The following SESN3 variants were observed in gnomAD, a reference collection of about 807,000 sequenced individuals.
The protein encoded by SESN3 is sestrin 3.
Under a neutral mutation model 55.3 loss-of-function variants are expected in SESN3, and 21 were observed. That is an observed-to-expected ratio of 0.38 (90% CI 0.27 to 0.55). The LOEUF is 0.55. Ranked by LOEUF, SESN3 falls within the 20% of genes least tolerant of loss-of-function variation. The pLI is 0.76. For synonymous variants in SESN3, 181 were observed against 203.1 expected, an observed-to-expected ratio of 0.89 and a Z score of 0.93; for missense variants, 408 against 604.3, an observed-to-expected ratio of 0.68 and a Z score of 3.41.
At chr11:95,201,631 C>T (rs183157199) in intron 1 of SESN3, among the ~76,000 whole-genome samples, 1 of 152,062 alleles carries the variant, frequency 6.6e-6, no homozygotes, top group East Asian at 1.9e-4. Flanking sequence ...TGTATGACCC[C>T]AGAATTATAC....
intron 1 of SESN3, among the ~76,000 whole-genome samples, chr11:95,222,700 T>C (rs1860879354): frequency 6.6e-6 from 1 of 152,226 alleles, no homozygotes; most frequent in Non-Finnish European, 1.5e-5. Flanking sequence ...TTGAATATCA[T>C]GGCAGTCCAG....
rs143884275 is a variant in SESN3, at chr11:95,196,457, A to AT, written c.79-2936dup. ...GGATAGTACTATATCCAAAAGATTGATTTTTTTTTTTTTAAGATAAGACCA... is the reference window on the plus strand; with the variant it reads ...GGATAGTACTATATCCAAAAGATTGATTTTTTTTTTTTTTAAGATAAGACCA... On this transcript the variant is annotated intron_variant, in intron 1 of 9. Coordinates refer to ENST00000536441, the MANE Select transcript of SESN3 (RefSeq NM_144665.4). Among the ~76,000 whole-genome samples, 268 of 146,792 alleles carry AT rather than the reference A, an allele frequency of 1.8e-3. 3 individuals carry two copies. The highest frequency in any genetic ancestry group is 6.2e-3 in the South Asian group (29 of 4,664).
rs539215883 is a variant in SESN3 at position 95,209,931 on chromosome 11, C to T, written c.79-16409G>A. 2.5e-4 allele frequency among the ~76,000 whole-genome samples: 35 copies of T among 142,632 alleles called. 1 individual carries two copies. The highest frequency in any genetic ancestry group is 7.4e-4 in the African/African-American group (29 of 39,076). 93.6% of individuals were successfully genotyped at this position (142,632 alleles called of 152,430 possible). A position where few individuals can be genotyped will look rare whatever the true frequency, so the allele number is the denominator to read the frequency against. On this transcript the variant is annotated intron_variant, in intron 1 of 9. Transcript: ENST00000536441. ...ACTCTGGAGGCTGAGGCAGAAGAAT[C>T]GCTTGATTCCAGGAGGCGAAGGTTG...
intron 1 of SESN3, among the ~76,000 whole-genome samples, chr11:95,220,860 T>C (rs925483755): frequency 6.6e-6 from 1 of 152,234 alleles, no homozygotes; most frequent in Non-Finnish European, 1.5e-5. Flanking sequence ...AGCCCTAGTT[T>C]CTTTATCCAT....
At chr11:95,181,086 T>C (rs1860050613) in intron 6 of SESN3, among the ~76,000 whole-genome samples, 1 of 152,138 alleles carries the variant, frequency 6.6e-6, no homozygotes, top group Admixed American at 6.5e-5. Context: ...CTAAACTCTA[T>C]AAAACAGTCT....
At chr11:95,182,621 T>C (rs183305994) in intron 6 of SESN3, among the ~76,000 whole-genome samples, 1 of 152,286 alleles carries the variant, frequency 6.6e-6, no homozygotes, top group East Asian at 1.9e-4. Flanking sequence ...AACACTGAAG[T>C]TTGAGAAGTG....
intron 7 of SESN3, among the ~76,000 whole-genome samples, chr11:95,178,472 G>A (rs557740213): frequency 6.6e-6 from 1 of 152,096 alleles, no homozygotes; most frequent in Admixed American, 6.5e-5. Flanking sequence ...CAAATACCAC[G>A]TAATAATAGA....
At chr11:95,218,540 T>G (rs967664075) in intron 1 of SESN3, among the ~76,000 whole-genome samples, 4 of 152,092 alleles carry the variant, frequency 2.6e-5, no homozygotes, top group Non-Finnish European at 4.4e-5. Context: ...CAGGAAAAGG[T>G]AATAGCATCT....
At chr11:95,215,612 G>A (rs1860737399) in intron 1 of SESN3, among the ~76,000 whole-genome samples, 1 of 152,094 alleles carries the variant, frequency 6.6e-6, no homozygotes, top group African/African-American at 2.4e-5. Flanking sequence ...AACGGTCTGT[G>A]TCCCCTATGA....
chr11:95,217,813 A>T (rs762361157), intron 1 of SESN3, among the ~76,000 whole-genome samples: 1 of 152,216 alleles, frequency 6.6e-6, no homozygotes, highest in Non-Finnish European at 1.5e-5. Context: ...TGCTTTCACA[A>T]ATGTGCAACC....
chr11:95,229,636 T>C (rs1169765703), intron 1 of SESN3, among the ~76,000 whole-genome samples: 2 of 152,216 alleles, frequency 1.3e-5, no homozygotes, highest in Non-Finnish European at 2.9e-5. Context: ...AGCGCAAATA[T>C]TTGAGCTTGC....
Position 95,178,718 on chromosome 11 carries a change from G to A in SESN3, c.1048C>T (p.Arg350Ter), listed in dbSNP as rs1412449950. 7 of 1,593,310 alleles carry A rather than the reference G, an allele frequency of 4.4e-6. No homozygotes were observed. The highest frequency in any genetic ancestry group is 1.7e-5 in the Admixed American group (1 of 59,998). Residue 350 changes from arginine (R) to a stop codon, truncating the protein, a stop_gained, in exon 7 of 10, where the codon CGA (arginine) becomes TGA (stop). Transcript: ENST00000536441. LOFTEE classifies it high-confidence loss of function. ...RRGEEHLPTF[R>*]AQDYTWENHG... ...TTAAAGACATATTATACCTGAGCTCGGAATGTTGGCAAATGCTCTTCTCCT... is the reference window on the plus strand; with the variant it reads ...TTAAAGACATATTATACCTGAGCTCAGAATGTTGGCAAATGCTCTTCTCCT...
At chr11:95,222,715 T>C (rs143043787) in intron 1 of SESN3, among the ~76,000 whole-genome samples, 265 of 152,274 alleles carry the variant, frequency 1.7e-3, no homozygotes, top group African/African-American at 5.3e-3. Context: ...GTCCAGAGGA[T>C]AGAAGGAGAA....
At chr11:95,186,974 C>A (rs1444276436) in intron 4 of SESN3, among the ~76,000 whole-genome samples, 1 of 151,692 alleles carries the variant, frequency 6.6e-6, no homozygotes, top group African/African-American at 2.4e-5. Flanking sequence ...TTTTTATAAG[C>A]AATTATATAG....
intron 1 of SESN3, among the ~76,000 whole-genome samples, chr11:95,195,904 C>T (rs1186358427): frequency 6.6e-6 from 1 of 152,120 alleles, no homozygotes; most frequent in East Asian, 1.9e-4. Context: ...AAGCAGCATT[C>T]AAAAACGTGT....
At chr11:95,210,130 C>T (rs770671102) in intron 1 of SESN3, among the ~76,000 whole-genome samples, 1 of 150,490 alleles carries the variant, frequency 6.6e-6, no homozygotes, top group South Asian at 2.1e-4. Flanking sequence ...GAAAACCAAA[C>T]ACCGCATGTT....
At chr11:95,198,065 A>G (rs1156280929) in intron 1 of SESN3, among the ~76,000 whole-genome samples, 1 of 151,974 alleles carries the variant, frequency 6.6e-6, no homozygotes, top group Non-Finnish European at 1.5e-5. Flanking sequence ...GTTATCTTGG[A>G]CTCTTTATCC....
At chr11:95,214,571 T>C (rs556644100) in intron 1 of SESN3, among the ~76,000 whole-genome samples, 41 of 152,206 alleles carry the variant, frequency 2.7e-4, no homozygotes, top group African/African-American at 7.7e-4. Flanking sequence ...CCATTTTTAA[T>C]TGAAGAGTAA....
chr11:95,182,569 T>C (rs1023578026), intron 6 of SESN3, among the ~76,000 whole-genome samples: 1 of 152,172 alleles, frequency 6.6e-6, no homozygotes, highest in African/African-American at 2.4e-5. Context: ...AACTGACTGA[T>C]TCAACTTCTG....
Sources: gnomAD v4.1 joint callset for allele counts (sites outside exome capture counted in the v4.1 genomes callset) on GRCh38, gnomAD v4.1.1 for gene constraint, MANE v1.5 for transcripts, NCBI Gene and HGNC (gene_info 2026-07-23, HGNC 2026-07-21) for gene names.